The following PATJ variants were observed in gnomAD, a reference collection of about 807,000 sequenced individuals.
The protein encoded by PATJ is PATJ crumbs cell polarity complex component, also known as inaD-like protein.
PATJ carries 190 observed loss-of-function variants against 224.9 expected under a neutral mutation model. That is an observed-to-expected ratio of 0.84 (90% CI 0.75 to 0.95). The LOEUF is 0.95. Among genes scored for constraint, PATJ ranks in the 40% least tolerant of loss-of-function variants. PATJ has a pLI of 0.00. For missense variants in PATJ, 2,121 were observed against 2,270.3 expected, an observed-to-expected ratio of 0.93 and a Z score of 1.34; for synonymous variants, 769 against 820.3, an observed-to-expected ratio of 0.94 and a Z score of 1.07.
rs142434869 is a variant in PATJ, at chr1:61,859,644, G to T, written c.2323-1907G>T. ...TTTTGTTGTTGTTTTTTGAGATGGA[G>T]TTTCACTCTTGTTGCCCAGGCTGGA... On this transcript the variant is annotated intron_variant, in intron 18 of 43. Coordinates refer to ENST00000642238, the MANE Select transcript of PATJ (RefSeq NM_001350145.3). Among the ~76,000 whole-genome samples the T allele has an allele frequency of 3.6e-3, 546 of 151,926 alleles. 5 individuals carry two copies. The highest frequency in any genetic ancestry group is 0.013 in the African/African-American group (527 of 41,428).
chr1:61,854,360 G>A (rs1305990284), intron 17 of PATJ, among the ~76,000 whole-genome samples: 1 of 152,188 alleles, frequency 6.6e-6, no homozygotes, highest in Non-Finnish European at 1.5e-5. Flanking sequence ...GAATGCTGCT[G>A]TGATTGGGAT....
chr1:61,833,536 T>G, intron 16 of PATJ, 118 bp from the exon 17 acceptor site: 2 of 955,162 alleles, frequency 2.1e-6, no homozygotes, highest in Non-Finnish European at 3.0e-6. Context: ...AAAGAAAAAC[T>G]ACGCATGCCA....
chr1:61,754,064 T>C lies in PATJ; in HGVS notation c.-35-8794T>C, dbSNP rs145578729. On this transcript the variant is annotated intron_variant, in intron 1 of 43. Coordinates refer to ENST00000642238, the MANE Select transcript of PATJ (RefSeq NM_001350145.3). ...TGGCACAAACTCTCTTGATCAATGA[T>C]GGAGTGGAAGCTCCCAAGCATAATA... is the stretch of plus-strand genomic sequence containing the variant. 4.9e-3 allele frequency among the ~76,000 whole-genome samples: 747 copies of C among 152,314 alleles called. 5 individuals are homozygous for C. Among genetic ancestry groups the C allele is most frequent in the Middle Eastern group, 0.014 (4 of 294 alleles).
intron 8 of PATJ, among the ~76,000 whole-genome samples, chr1:61,788,414 C>A (rs561741960): frequency 1.4e-3 from 206 of 151,988 alleles, no homozygotes; most frequent in Non-Finnish European, 2.4e-3. Context: ...TTATCAAGCA[C>A]CTGGAATTGC....
Position 62,082,373 on chromosome 1 carries a change from A to G in PATJ, c.4244-2142A>G, listed in dbSNP as rs1161780332. Among the ~76,000 whole-genome samples the G allele has an allele frequency of 2.0e-5, 3 of 152,248 alleles. No homozygotes were observed. The East Asian group carries it at 5.8e-4, about 29-fold the overall frequency. On this transcript the variant is annotated intron_variant, in intron 32 of 43. Coordinates refer to ENST00000642238, the MANE Select transcript of PATJ (RefSeq NM_001350145.3). ...TAACAGCCTCTTTAATAGTGGTTAC[A>G]TGCATTTTTCTGATGAGAAGTGAGC...
intron 1 of PATJ, among the ~76,000 whole-genome samples, chr1:61,760,270 T>C (rs892802286): frequency 6.6e-6 from 1 of 152,360 alleles, no homozygotes; most frequent in South Asian, 2.1e-4. Flanking sequence ...TTAGACCTTT[T>C]ATCAATGTCA....
intron 43 of PATJ, among the ~76,000 whole-genome samples, chr1:62,154,896 G>T (rs1393825181): frequency 6.6e-6 from 1 of 152,140 alleles, no homozygotes; most frequent in African/African-American, 2.4e-5. Context: ...CCTGCATCTT[G>T]CTAGAATGCC....
intron 1 of PATJ, among the ~76,000 whole-genome samples, chr1:61,760,011 C>A (rs1047140621): frequency 6.6e-6 from 1 of 152,072 alleles, no homozygotes; most frequent in East Asian, 1.9e-4. Context: ...TTGCATTCTT[C>A]GATTTAGAGA....
At chr1:62,153,967 G>A (rs991494345) in intron 43 of PATJ, among the ~76,000 whole-genome samples, 22 of 152,114 alleles carry the variant, frequency 1.4e-4, no homozygotes, top group Admixed American at 1.3e-3. Context: ...GCAATGGCTT[G>A]ATCTCAGCTC....
At chr1:62,073,298 C>G (rs1657752920) in intron 31 of PATJ, 2 of 985,218 alleles carry the variant, frequency 2.0e-6, no homozygotes, top group Admixed American at 6.2e-5. Flanking sequence ...GTGTTCACCT[C>G]TCTGTCCCAA....
chr1:61,820,330 G>A (rs1017334524), intron 14 of PATJ, among the ~76,000 whole-genome samples: 1 of 148,758 alleles, frequency 6.7e-6, no homozygotes, highest in East Asian at 2.0e-4. Context: ...GAGCCACCGT[G>A]CCTGGCCTAT....
intron 31 of PATJ, among the ~76,000 whole-genome samples, chr1:62,052,099 G>A (rs1483589825): frequency 4.6e-5 from 7 of 152,152 alleles, no homozygotes; most frequent in Admixed American, 1.3e-4. Context: ...TAGAAGAAAT[G>A]TAGGCTTTTT....
chr1:61,828,104 A>T (rs149273916), intron 16 of PATJ, among the ~76,000 whole-genome samples: 101 of 152,148 alleles, frequency 6.6e-4, no homozygotes, highest in African/African-American at 2.0e-3. Flanking sequence ...TTAGCCAGGC[A>T]TGGTGGCGCA....
chr1:61,747,820 A>G (rs1293202504), intron 1 of PATJ, among the ~76,000 whole-genome samples: 1 of 152,260 alleles, frequency 6.6e-6, no homozygotes, highest in African/African-American at 2.4e-5. Flanking sequence ...GGGCCACTTT[A>G]TATTGGGTTA....
intron 30 of PATJ, among the ~76,000 whole-genome samples, chr1:62,042,838 G>T (rs1288444674): frequency 6.6e-6 from 1 of 152,030 alleles, no homozygotes; most frequent in Non-Finnish European, 1.5e-5. Flanking sequence ...GTAGAGACAG[G>T]ATCTCGCCAT....
intron 7 of PATJ, among the ~76,000 whole-genome samples, chr1:61,783,235 A>T (rs1647717323): frequency 6.6e-6 from 1 of 152,200 alleles, no homozygotes; most frequent in Admixed American, 6.5e-5. Context: ...GTAGGATAGG[A>T]TAGTTTCTTT....
At chr1:62,129,693 C>T (rs1666070748) in intron 41 of PATJ, among the ~76,000 whole-genome samples, 2 of 152,206 alleles carry the variant, frequency 1.3e-5, no homozygotes, top group African/African-American at 4.8e-5. Flanking sequence ...GTAATCCTAG[C>T]ACTTTGGGAG....
chr1:62,133,359 A>G (rs1666462174), intron 41 of PATJ, among the ~76,000 whole-genome samples: 1 of 152,174 alleles, frequency 6.6e-6, no homozygotes, highest in Admixed American at 6.6e-5. Context: ...AGGCAGGTGG[A>G]TCACCTGAGG....
At chr1:62,035,774 C>G (rs747382977) in intron 29 of PATJ, among the ~76,000 whole-genome samples, 2 of 151,900 alleles carry the variant, frequency 1.3e-5, no homozygotes, top group Non-Finnish European at 2.9e-5. Context: ...TCACACAGAT[C>G]AGTTAGGTAA....
Sources: allele counts gnomAD v4.1 joint callset (sites outside exome capture counted in the v4.1 genomes callset), GRCh38; gene constraint gnomAD v4.1.1; transcripts MANE v1.5; gene names NCBI Gene and HGNC (gene_info 2026-07-23, HGNC 2026-07-21).